Variants in CPVL observed in about 807,000 individuals in gnomAD.
The protein encoded by CPVL is carboxypeptidase vitellogenic like, also known as probable serine carboxypeptidase CPVL.
In CPVL, 51 loss-of-function variants were observed where a neutral mutation model predicts 63.7. The observed-to-expected ratio is 0.80, with a 90% confidence interval of 0.64 to 1.01. The LOEUF (loss-of-function observed/expected upper bound fraction) is 1.01, where lower values mean the gene tolerates loss of function less well. CPVL is among the 50% of genes least tolerant of loss of function. The probability of loss-of-function intolerance (pLI) is 0.00; values close to 1 mark genes in which losing one functional copy is unlikely to be tolerated. For synonymous variants in CPVL, 195 were observed against 206.0 expected (o/e 0.95, Z 0.46); for missense variants, 530 against 573.1 (o/e 0.92, Z 0.77).
At chr7:29,079,663 A>G (rs888941845) in intron 7 of CPVL, among the ~76,000 whole-genome samples, 1 of 152,240 alleles carries the variant, frequency 6.6e-6, no homozygotes, top group Non-Finnish European at 1.5e-5. Context: ...TAGCCATCAA[A>G]TTACATGATC....
chr7:29,175,295 C>G (rs1209779531), intron 5 of CPVL, among the ~76,000 whole-genome samples: 1 of 152,032 alleles, frequency 6.6e-6, no homozygotes, highest in Non-Finnish European at 1.5e-5. Context: ...CTGCCTCAGC[C>G]CCCTCAGTAG....
chr7:29,125,175 G>A (rs1789867393), intron 1 of CPVL: 1 of 152,020 alleles, frequency 6.6e-6, no homozygotes, highest in Non-Finnish European at 1.5e-5. Flanking sequence ...CATATAGTTG[G>A]TACTAAGCAA....
chr7:29,150,221 A>G (rs924999026), upstream of CPVL, among the ~76,000 whole-genome samples: 2 of 152,196 alleles, frequency 1.3e-5, no homozygotes, highest in Non-Finnish European at 2.9e-5. Context: ...CTTGCACCTA[A>G]TGACCATAAG....
intron 12 of CPVL, among the ~76,000 whole-genome samples, chr7:29,004,554 C>T (rs927162309): frequency 6.6e-6 from 1 of 152,164 alleles, no homozygotes; most frequent in Non-Finnish European, 1.5e-5. Flanking sequence ...AAGCAGAGTA[C>T]AGGATAATAG....
intron 2 of CPVL, chr7:29,185,667 T>A (rs1428325406): frequency 6.6e-6 from 1 of 152,186 alleles, no homozygotes; most frequent in African/African-American, 2.4e-5. Context: ...CTGATTTGTT[T>A]ATTCTGGAGC....
At chr7:29,115,273 C>T (rs920949122) in intron 2 of CPVL, among the ~76,000 whole-genome samples, 1 of 152,190 alleles carries the variant, frequency 6.6e-6, no homozygotes, top group Non-Finnish European at 1.5e-5. Flanking sequence ...AGAAGAATTT[C>T]CTTTTTCTGG....
At chr7:29,158,878 T>C (rs1794792374) in intron 5 of CPVL, among the ~76,000 whole-genome samples, 1 of 152,210 alleles carries the variant, frequency 6.6e-6, no homozygotes. Flanking sequence ...GTATAAACAT[T>C]CCTTTGGGGG....
chr7:29,125,386 G>A (rs892763132), intron 1 of CPVL, among the ~76,000 whole-genome samples: 6 of 121,700 alleles, frequency 4.9e-5, no homozygotes, highest in Non-Finnish European at 6.4e-5. Context: ...CCACTCTCCC[G>A]TCTTTTTTTT....
At chr7:29,073,574 T>A (rs1035596265) in intron 7 of CPVL, among the ~76,000 whole-genome samples, 10 of 152,192 alleles carry the variant, frequency 6.6e-5, no homozygotes, top group Non-Finnish European at 1.3e-4. Flanking sequence ...ACCAGGCACA[T>A]GTCTGCCAGG....
At chr7:29,112,652 C>G (rs1788364088) in intron 3 of CPVL, 52 bp downstream of exon 3, 1 of 1,233,954 alleles carries the variant, frequency 8.1e-7, no homozygotes, top group South Asian at 1.2e-5. Context: ...TTTCTACCCT[C>G]AAACGGCAAG....
intron 5 of CPVL, among the ~76,000 whole-genome samples, chr7:29,172,937 C>T (rs887673762): frequency 6.6e-6 from 1 of 151,890 alleles, no homozygotes; most frequent in Admixed American, 6.6e-5. Context: ...TTGAGACCAG[C>T]GTGGCCAGTA....
chr7:29,005,126 C>G (rs1189203675), intron 12 of CPVL, among the ~76,000 whole-genome samples: 1 of 152,010 alleles, frequency 6.6e-6, no homozygotes, highest in Non-Finnish European at 1.5e-5. Flanking sequence ...TCTCAAACTC[C>G]TGGGCTCAAG....
chr7:29,169,861 C>CGTGTGT (rs71555785), intron 5 of CPVL, among the ~76,000 whole-genome samples: 53 of 147,930 alleles, frequency 3.6e-4, no homozygotes, highest in African/African-American at 5.5e-4. Context: ...AGTATATATA[C>CGTGTGT]GTGTGTGTGT....
intron 1 of CPVL, among the ~76,000 whole-genome samples, chr7:29,136,047 A>G (rs764225667): frequency 1.3e-5 from 2 of 152,180 alleles, no homozygotes; most frequent in Admixed American, 6.5e-5. Context: ...CTAACAGGGG[A>G]ACTAGGACTG....
intron 3 of CPVL, among the ~76,000 whole-genome samples, chr7:29,102,076 G>A (rs1184136219): frequency 2.0e-5 from 3 of 152,196 alleles, no homozygotes; most frequent in Non-Finnish European, 4.4e-5. Context: ...TGAGCAGGCA[G>A]AATACTTTAT....
intron 12 of CPVL, among the ~76,000 whole-genome samples, chr7:29,026,551 C>A (rs993328871): frequency 6.6e-6 from 1 of 151,626 alleles, no homozygotes; most frequent in East Asian, 1.9e-4. Flanking sequence ...AATAAAAAAG[C>A]CTGTTTTTAA....
chr7:29,113,277 G>A (rs746865180), intron 2 of CPVL, among the ~76,000 whole-genome samples: 4 of 152,034 alleles, frequency 2.6e-5, no homozygotes, highest in Admixed American at 6.5e-5. Context: ...TGTCCTTCAC[G>A]CTCTTGTTTT....
intron 3 of CPVL, among the ~76,000 whole-genome samples, chr7:29,106,986 A>G (rs1428680978): frequency 6.6e-6 from 1 of 152,214 alleles, no homozygotes; most frequent in Non-Finnish European, 1.5e-5. Flanking sequence ...CCAGAGCTGC[A>G]GTCATCAGAA....
intron 3 of CPVL, among the ~76,000 whole-genome samples, chr7:29,107,344 G>C (rs1035426126): frequency 2.6e-5 from 4 of 152,146 alleles, no homozygotes; most frequent in African/African-American, 9.7e-5. Flanking sequence ...ACACGTTCAA[G>C]GGCTCCTTCA....
Sources: allele counts gnomAD v4.1 joint callset (sites outside exome capture counted in the v4.1 genomes callset), GRCh38; gene constraint gnomAD v4.1.1; transcripts MANE v1.5; gene names NCBI Gene and HGNC (gene_info 2026-07-23, HGNC 2026-07-21).